ANXA8: variants seen among roughly 807,000 people sequenced by gnomAD.
ANXA8 encodes the protein annexin A8.
In ANXA8, 9 loss-of-function variants were observed where a neutral mutation model predicts 26.8. That is an observed-to-expected ratio of 0.34 (90% CI 0.20 to 0.59). The LOEUF (loss-of-function observed/expected upper bound fraction) is 0.59, where lower values mean the gene tolerates loss of function less well. ANXA8 is among the 20% of genes least tolerant of loss of function. The pLI is 0.84. For synonymous variants in ANXA8, 39 were observed against 94.8 expected, an observed-to-expected ratio of 0.41 and a Z score of 3.42; for missense variants, 83 against 238.5, an observed-to-expected ratio of 0.35 and a Z score of 4.29.
At chr10:47,618,833 A>G in the ANXA8 span, among the ~76,000 whole-genome samples, 1 of 112,734 alleles carries the variant, frequency 8.9e-6, no homozygotes, top group South Asian at 2.8e-4. Context: ...ACCATTGCCA[A>G]ATTTCCAGCT....
the ANXA8 span, among the ~76,000 whole-genome samples, chr10:47,936,830 A>G: frequency 6.6e-6 from 1 of 152,070 alleles, no homozygotes; most frequent in Non-Finnish European, 1.5e-5. Flanking sequence ...AAGGGTCAGA[A>G]CGCTTGTTCC....
chr10:47,688,453 G>T, the ANXA8 span, among the ~76,000 whole-genome samples: 5 of 149,122 alleles, frequency 3.4e-5, no homozygotes, highest in Non-Finnish European at 7.4e-5. Flanking sequence ...ATGGAGTCTC[G>T]CTTTGTCGCC....
the ANXA8 span, among the ~76,000 whole-genome samples, chr10:47,777,451 C>T: frequency 1.3e-5 from 2 of 152,182 alleles, no homozygotes. Flanking sequence ...CCACACCAGG[C>T]TTCTGGATGC....
chr10:47,945,472 C>A, the ANXA8 span, among the ~76,000 whole-genome samples: 1 of 150,848 alleles, frequency 6.6e-6, no homozygotes, highest in Non-Finnish European at 1.5e-5. Context: ...CCTCACTAAC[C>A]TTCCTGGCCT....
At chr10:47,493,032 C>T in the ANXA8 span, among the ~76,000 whole-genome samples, 17 of 151,540 alleles carry the variant, frequency 1.1e-4, no homozygotes, top group East Asian at 6.0e-4. Flanking sequence ...TCCAGGGCTA[C>T]GGCCAGTCCC....
the ANXA8 span, among the ~76,000 whole-genome samples, chr10:47,554,110 AAAATAAATAAAT>A: frequency 3.1e-5 from 4 of 129,864 alleles, no homozygotes; most frequent in Non-Finnish European, 6.4e-5. Context: ...CATCTCTCAA[AAAATAAATAAAT>A]AAATAAATAA....
the ANXA8 span, among the ~76,000 whole-genome samples, chr10:47,667,930 G>T: frequency 6.6e-6 from 1 of 151,880 alleles, no homozygotes; most frequent in Non-Finnish European, 1.5e-5. Flanking sequence ...TAGAGACAGG[G>T]TTTCACCATG....
At chr10:47,949,214 C>A in the ANXA8 span, among the ~76,000 whole-genome samples, 12 of 133,314 alleles carry the variant, frequency 9.0e-5, no homozygotes, top group Non-Finnish European at 1.8e-4. Flanking sequence ...CTATCTATTC[C>A]AAAATTGGGT....
the ANXA8 span, chr10:47,710,127 T>C: frequency 4.0e-4 from 208 of 521,486 alleles, 8 homozygotes; most frequent in African/African-American, 3.7e-3. Context: ...CTAATCATAC[T>C]TTACAACATA....
At chr10:47,768,066 C>CA in the ANXA8 span, among the ~76,000 whole-genome samples, 347 of 150,330 alleles carry the variant, frequency 2.3e-3, 5 homozygotes, top group Non-Finnish European at 3.8e-3. Context: ...GGCTGCCCCT[C>CA]AGCATGGAGC....
chr10:47,745,033 C>T, the ANXA8 span, among the ~76,000 whole-genome samples: 6 of 151,846 alleles, frequency 4.0e-5, no homozygotes, highest in African/African-American at 1.5e-4. Context: ...CATTTGGCTC[C>T]AGGCATTGGG....
chr10:47,671,458 C>A, the ANXA8 span, among the ~76,000 whole-genome samples: 1 of 150,106 alleles, frequency 6.7e-6, no homozygotes, highest in African/African-American at 2.5e-5. Flanking sequence ...AAAACAAAAC[C>A]GACTATATTT....
chr10:47,690,365 T>A, the ANXA8 span: 1 of 1,600,992 alleles, frequency 6.2e-7, no homozygotes. Flanking sequence ...ACTCAGTAGA[T>A]AAGTCAAGGT....
At chr10:47,647,275 T>G in the ANXA8 span, among the ~76,000 whole-genome samples, 1 of 150,288 alleles carries the variant, frequency 6.7e-6, no homozygotes, top group Non-Finnish European at 1.5e-5. Context: ...TATTGATATT[T>G]TTTCTTCTTT....
chr10:47,711,683 A>C, the ANXA8 span, among the ~76,000 whole-genome samples: 2 of 137,958 alleles, frequency 1.4e-5, no homozygotes, highest in Non-Finnish European at 3.1e-5. Context: ...ACATGAGTCT[A>C]GTGCATGCTA....
At chr10:47,510,030 C>A in the ANXA8 span, 6 of 1,457,064 alleles carry the variant, frequency 4.1e-6, no homozygotes, top group Non-Finnish European at 5.4e-6. Flanking sequence ...AAAAGAGAAA[C>A]TGATACTTAA....
the ANXA8 span, among the ~76,000 whole-genome samples, chr10:47,685,531 C>A: frequency 6.6e-6 from 1 of 151,748 alleles, no homozygotes; most frequent in Non-Finnish European, 1.5e-5. Context: ...TGAATCTCAC[C>A]TTTGATTCTA....
At chr10:47,744,411 T>TGG in the ANXA8 span, among the ~76,000 whole-genome samples, 1 of 7,238 alleles carries the variant, frequency 1.4e-4, no homozygotes, top group African/African-American at 4.8e-4. Context: ...AGGCTCCTGG[T>TGG]GGGGGGGGGG....
the ANXA8 span, among the ~76,000 whole-genome samples, chr10:47,736,757 C>T: frequency 1.4e-3 from 201 of 142,324 alleles, 1 homozygote; most frequent in African/African-American, 4.5e-3. Context: ...TGGGTTCAAG[C>T]GATTCTCCTG....
Sources: allele counts gnomAD v4.1 joint callset (sites outside exome capture counted in the v4.1 genomes callset), GRCh38; gene constraint gnomAD v4.1.1; transcripts MANE v1.5; gene names NCBI Gene and HGNC (gene_info 2026-07-23, HGNC 2026-07-21).